ASCC3: variants seen among roughly 807,000 people sequenced by gnomAD.
ASCC3 encodes the protein activating signal cointegrator 1 complex subunit 3, also known as ASC-1 complex subunit P200.
ASCC3 carries 158 observed loss-of-function variants against 256.3 expected under a neutral mutation model. The ratio of observed to expected loss-of-function variants is 0.62; its 90% CI spans 0.54 to 0.70. The LOEUF is 0.70. Ranked by LOEUF, ASCC3 falls within the 30% of genes least tolerant of loss-of-function variation. ASCC3 has a pLI of 0.00. For synonymous variants in ASCC3, 948 were observed against 883.4 expected (o/e 1.07, Z -1.30); for missense variants, 2,259 against 2,626.0 (o/e 0.86, Z 3.05).
At chr6:100,590,713 T>C (rs1344518692) in intron 34 of ASCC3, among the ~76,000 whole-genome samples, 1 of 152,088 alleles carries the variant, frequency 6.6e-6, no homozygotes, top group Non-Finnish European at 1.5e-5. Context: ...GGAATATTCA[T>C]AGTCTGGGAA....
rs551944483 is a variant in ASCC3 at position 100,655,411 on chromosome 6, A to T, written c.2823+288T>A. On this transcript the variant is annotated intron_variant, in intron 17 of 41. Coordinates refer to ENST00000369162, the MANE Select transcript of ASCC3 (RefSeq NM_006828.4). ...TTTATTCTAAAACGAAATTTCTCAC[A>T]GTTTAAAAAATCACACCAAAATATT... is the stretch of plus-strand genomic sequence containing the variant. 7.9e-5 allele frequency among the ~76,000 whole-genome samples: 12 copies of T among 152,000 alleles called. No homozygotes were observed. The South Asian group carries it at 1.0e-3, about 13-fold the overall frequency.
intron 38 of ASCC3, among the ~76,000 whole-genome samples, chr6:100,517,759 G>A (rs1774105583): frequency 6.6e-6 from 1 of 152,018 alleles, no homozygotes; most frequent in Non-Finnish European, 1.5e-5. Flanking sequence ...TGCTTCAAAT[G>A]GAAAATGATT....
At chr6:100,872,159 T>G (rs1240756603) in intron 1 of ASCC3, among the ~76,000 whole-genome samples, 3 of 152,150 alleles carry the variant, frequency 2.0e-5, no homozygotes, top group Non-Finnish European at 4.4e-5. Context: ...ACAAGAAACA[T>G]GATGTATTAA....
intron 1 of ASCC3, among the ~76,000 whole-genome samples, chr6:100,871,159 G>C (rs1773721716): frequency 6.6e-6 from 1 of 151,656 alleles, no homozygotes; most frequent in Non-Finnish European, 1.5e-5. Flanking sequence ...GCAGTGGCGT[G>C]ATCTCGGCTC....
intron 4 of ASCC3, among the ~76,000 whole-genome samples, chr6:100,831,922 T>A (rs1771637304): frequency 6.6e-6 from 1 of 151,812 alleles, no homozygotes; most frequent in South Asian, 2.1e-4. Flanking sequence ...AAAAGAAACA[T>A]GCAGAAATCA....
intron 13 of ASCC3, among the ~76,000 whole-genome samples, chr6:100,692,655 C>T (rs1433240585): frequency 6.6e-6 from 1 of 151,854 alleles, no homozygotes; most frequent in Non-Finnish European, 1.5e-5. Context: ...TGTTTTCTCT[C>T]TTTAGGGCAT....
chr6:100,540,284 T>A lies in ASCC3; in HGVS notation c.5654A>T (p.Asp1885Val). The change falls in exon 37 of 42, where the codon GAC becomes GTC. Residue 1885 changes from aspartate to valine, a missense_variant. By Grantham distance (152) the Asp-to-Val change is radical. Coordinates refer to ENST00000369162, the MANE Select transcript of ASCC3 (RefSeq NM_006828.4). ...GAGATGTGCTTTGGTGTGAGGGCTG[T>A]CAAATGAATGAGGATTTGATTCAAT... ...LPIESNPHSF[D>V]SPHTKAHLLL... The A allele has an allele frequency of 1.9e-6, 3 of 1,613,962 alleles. No individual in the cohort carries two copies. The highest frequency in any genetic ancestry group is 1.1e-5 in the South Asian group (1 of 91,060).
intron 10 of ASCC3, among the ~76,000 whole-genome samples, chr6:100,754,074 T>A (rs189986880): frequency 1.3e-5 from 2 of 152,338 alleles, no homozygotes; most frequent in African/African-American, 4.8e-5. Flanking sequence ...TTTTTATATT[T>A]AATGTATTTT....
rs1769089517 is a variant in ASCC3 at position 100,548,192 on chromosome 6, C to A, written c.5551-7805G>T. Among the ~76,000 whole-genome samples the A allele has an allele frequency of 2.0e-5, 3 of 151,932 alleles. No homozygotes were observed. In the South Asian group the frequency reaches 6.2e-4, roughly 32 times the overall value. On this transcript the variant is annotated intron_variant, in intron 36 of 41. Transcript: ENST00000369162. ...GTGTTCATAGAGAAAAATAAGACAA[C>A]TTTTGATTTGCACTCATGGATTCTT...
chr6:100,772,499 CAT>C (rs1446352686), intron 8 of ASCC3, among the ~76,000 whole-genome samples: 1 of 152,152 alleles, frequency 6.6e-6, no homozygotes, highest in Non-Finnish European at 1.5e-5. Context: ...ATTATTGAGA[CAT>C]GTAACAACAT....
intron 10 of ASCC3, among the ~76,000 whole-genome samples, chr6:100,750,523 A>C (rs948869671): frequency 5.7e-5 from 8 of 141,128 alleles, no homozygotes; most frequent in African/African-American, 2.1e-4. Context: ...CTACATACCA[A>C]CATTTGTGAA....
rs188570542 is a variant in ASCC3, at chr6:100,873,406, A to T, written c.-41-5368T>A. On this transcript the variant is annotated intron_variant, in intron 1 of 41. Transcript: ENST00000369162. ...TAAATTACCAAACCTAAGAATAGTC[A>T]GCGTTCCTGAGGAAGAAGAGAAATC... Among the ~76,000 whole-genome samples, 521 of 152,266 alleles carry T rather than the reference A, an allele frequency of 3.4e-3. 2 individuals carry two copies. The highest frequency in any genetic ancestry group is 0.012 in the African/African-American group (505 of 41,570).
chr6:100,677,337 T>TA (rs879435725), intron 14 of ASCC3, among the ~76,000 whole-genome samples: 1,685 of 147,534 alleles, frequency 0.011, 21 homozygotes, highest in Middle Eastern at 0.052. Flanking sequence ...CTATTTTATT[T>TA]AAAAAAAAAA....
chr6:100,759,392 AT>A (rs1262602437), intron 10 of ASCC3, among the ~76,000 whole-genome samples: 2 of 152,106 alleles, frequency 1.3e-5, no homozygotes, highest in Non-Finnish European at 2.9e-5. Flanking sequence ...CAAATATTTA[AT>A]TCATCTTGAG....
At chr6:100,687,759 A>G (rs570051242) in intron 13 of ASCC3, among the ~76,000 whole-genome samples, 14 of 152,216 alleles carry the variant, frequency 9.2e-5, no homozygotes, top group Admixed American at 4.6e-4. Context: ...TTTATATTTT[A>G]GTTTACCTGG....
In ASCC3 at chr6:100,650,598, A is replaced by G. The variant is rs113106007; in HGVS notation, c.3192T>C (p.Tyr1064=). The change falls in exon 20 of 42, where the codon TAT becomes TAC. Residue 1064 remains tyrosine, a synonymous_variant. Transcript: ENST00000369162. ...AACTGTCCATTTCTCCTCGGCTGAT[A>G]TAAGTTTGAAGTAAGATGTTTATTT... ...YGKINILLQT[Y]ISRGEMDSFS... 14 of 1,612,858 alleles carry G rather than the reference A, an allele frequency of 8.7e-6. No individual in the cohort carries two copies. The highest frequency in any genetic ancestry group is 1.3e-5 in the African/African-American group (1 of 74,968).
intron 36 of ASCC3, among the ~76,000 whole-genome samples, chr6:100,541,395 G>A (rs1053810511): frequency 6.6e-5 from 10 of 152,184 alleles, no homozygotes; most frequent in African/African-American, 2.4e-4. Flanking sequence ...AAACAAACTA[G>A]GTGACCCTTA....
chr6:100,799,759 T>G (rs2114341788), intron 6 of ASCC3, among the ~76,000 whole-genome samples, 187 bp from the exon 7 acceptor site: 1 of 152,194 alleles, frequency 6.6e-6, no homozygotes. Flanking sequence ...TCAGTACATT[T>G]TTAGATATTA....
chr6:100,511,697 A>G (rs1236112640), intron 40 of ASCC3, among the ~76,000 whole-genome samples: 1 of 152,160 alleles, frequency 6.6e-6, no homozygotes, highest in African/African-American at 2.4e-5. Context: ...TGGGCGACAC[A>G]GTGAGACTTC....
Sources: allele counts gnomAD v4.1 joint callset (sites outside exome capture counted in the v4.1 genomes callset), GRCh38; gene constraint gnomAD v4.1.1; transcripts MANE v1.5; gene names NCBI Gene and HGNC (gene_info 2026-07-23, HGNC 2026-07-21).